KCTD8: variants seen among roughly 807,000 people sequenced by gnomAD.
KCTD8 encodes BTB/POZ domain-containing protein KCTD8.
KCTD8 carries 27 observed loss-of-function variants against 31.5 expected under a neutral mutation model. That is an observed-to-expected ratio of 0.86 (90% CI 0.63 to 1.18). The LOEUF is 1.18. Among genes scored for constraint, KCTD8 ranks in the 50% most tolerant of loss-of-function variants. The pLI, the probability that KCTD8 is intolerant of heterozygous loss-of-function variation, is 0.00. For synonymous variants in KCTD8, 290 were observed against 280.0 expected, an observed-to-expected ratio of 1.04 and a Z score of -0.36; for missense variants, 658 against 647.7, an observed-to-expected ratio of 1.02 and a Z score of -0.17.
chr4:44,194,979 C>A (rs529712510), intron 1 of KCTD8, among the ~76,000 whole-genome samples: 1 of 151,290 alleles, frequency 6.6e-6, no homozygotes, highest in Non-Finnish European at 1.5e-5. Context: ...CCTTAGCCTC[C>A]CAAGTAGCTG....
At chr4:44,382,711 C>A (rs545435199) in intron 1 of KCTD8, among the ~76,000 whole-genome samples, 2 of 145,300 alleles carry the variant, frequency 1.4e-5, no homozygotes, top group South Asian at 4.5e-4. Flanking sequence ...GCCTGGGCAA[C>A]AGGAGTGAAA....
intron 1 of KCTD8, among the ~76,000 whole-genome samples, chr4:44,292,952 C>T (rs1397087863): frequency 6.6e-6 from 1 of 152,002 alleles, no homozygotes; most frequent in Non-Finnish European, 1.5e-5. Context: ...TTTCTACACC[C>T]CCTATTTTGT....
intron 1 of KCTD8, among the ~76,000 whole-genome samples, chr4:44,406,416 GGGGGTGGTTTCCTCCATACTGTTCTCA>G (rs1306479462): frequency 6.6e-6 from 1 of 152,086 alleles, no homozygotes; most frequent in African/African-American, 2.4e-5. Context: ...TTTGATTCAT[GGGGGTGGTTTCCTCCATACTGTTCTCA>G]TGGTAGTGAA....
intron 1 of KCTD8, among the ~76,000 whole-genome samples, chr4:44,400,263 G>T (rs1390678687): frequency 6.6e-6 from 1 of 152,074 alleles, no homozygotes; most frequent in Admixed American, 6.5e-5. Context: ...TTGAATCAGA[G>T]ATAAGATATT....
chr4:44,344,171 TTTAATTAATTAA>T (rs59061396), intron 1 of KCTD8, among the ~76,000 whole-genome samples: 2 of 151,880 alleles, frequency 1.3e-5, no homozygotes, highest in African/African-American at 2.4e-5. Flanking sequence ...TTACAGGTTT[TTTAATTAATTAA>T]TTAATTAATT....
intron 1 of KCTD8, among the ~76,000 whole-genome samples, chr4:44,269,121 T>C (rs901759719): frequency 3.3e-5 from 5 of 151,986 alleles, no homozygotes; most frequent in African/African-American, 7.2e-5. Context: ...GGAGGCATCA[T>C]GCTACCTGAC....
intron 1 of KCTD8, among the ~76,000 whole-genome samples, chr4:44,239,022 C>A (rs1715372834): frequency 6.6e-6 from 1 of 152,158 alleles, no homozygotes. Flanking sequence ...TCAGTTCTAA[C>A]AAATTCTACA....
At chr4:44,306,927 T>C (rs1227673534) in intron 1 of KCTD8, among the ~76,000 whole-genome samples, 1 of 151,978 alleles carries the variant, frequency 6.6e-6, no homozygotes, top group Non-Finnish European at 1.5e-5. Context: ...AGCATCAGAA[T>C]GACAGGGAGT....
intron 1 of KCTD8, among the ~76,000 whole-genome samples, chr4:44,370,506 C>G (rs1033012834): frequency 6.6e-6 from 1 of 152,152 alleles, no homozygotes; most frequent in Non-Finnish European, 1.5e-5. Flanking sequence ...AACAATGCCT[C>G]AAGGATCACA....
chr4:44,258,127 T>G (rs1457866107), intron 1 of KCTD8, among the ~76,000 whole-genome samples: 1 of 152,128 alleles, frequency 6.6e-6, no homozygotes, highest in East Asian at 1.9e-4. Flanking sequence ...CAGATGCTAA[T>G]AGGAAAGACA....
At chr4:44,346,920 T>C (rs903822294) in intron 1 of KCTD8, among the ~76,000 whole-genome samples, 3 of 152,182 alleles carry the variant, frequency 2.0e-5, no homozygotes, top group Admixed American at 2.0e-4. Context: ...TACTAAGACC[T>C]GAGTTGAATA....
chr4:44,374,878 A>G (rs1278118807), intron 1 of KCTD8, among the ~76,000 whole-genome samples: 1 of 152,194 alleles, frequency 6.6e-6, no homozygotes, highest in Admixed American at 6.5e-5. Context: ...AAAAGTTTTA[A>G]ATATTGTGAG....
intron 1 of KCTD8, among the ~76,000 whole-genome samples, chr4:44,411,167 C>G (rs1253610723): frequency 7.2e-5 from 11 of 151,970 alleles, no homozygotes; most frequent in Admixed American, 7.2e-4. Context: ...TAGAGAAACA[C>G]TTGGAAAAGG....
chr4:44,342,585 C>T (rs1049028137), intron 1 of KCTD8, among the ~76,000 whole-genome samples: 6 of 152,094 alleles, frequency 3.9e-5, no homozygotes, highest in Non-Finnish European at 7.4e-5. Context: ...TCTTCAGTTG[C>T]ATTAGATACT....
intron 1 of KCTD8, among the ~76,000 whole-genome samples, chr4:44,402,292 C>T (rs1720685470): frequency 6.6e-6 from 1 of 152,138 alleles, no homozygotes; most frequent in South Asian, 2.1e-4. Flanking sequence ...TCAGCACAGA[C>T]ATTTGCTAAA....
chr4:44,415,558 G>A (rs1041620212), intron 1 of KCTD8, among the ~76,000 whole-genome samples: 4 of 152,186 alleles, frequency 2.6e-5, no homozygotes, highest in African/African-American at 9.6e-5. Flanking sequence ...TCCAGGCCCA[G>A]AGTGCCACTT....
chr4:44,392,755 A>C (rs750977942), intron 1 of KCTD8, among the ~76,000 whole-genome samples: 3 of 152,074 alleles, frequency 2.0e-5, no homozygotes, highest in Non-Finnish European at 4.4e-5. Context: ...TAAGGAGAAG[A>C]GTAAAAATGA....
At chr4:44,363,112 C>T (rs1719543096) in intron 1 of KCTD8, among the ~76,000 whole-genome samples, 1 of 152,040 alleles carries the variant, frequency 6.6e-6, no homozygotes, top group Non-Finnish European at 1.5e-5. Flanking sequence ...AGGAATTAAA[C>T]ATAAATTTTG....
intron 1 of KCTD8, among the ~76,000 whole-genome samples, chr4:44,207,665 A>G (rs1418650896): frequency 6.6e-6 from 1 of 152,218 alleles, no homozygotes; most frequent in Admixed American, 6.5e-5. Flanking sequence ...GTAAAGTTAA[A>G]TGTATTTAAA....
Sources: gnomAD v4.1 joint callset for allele counts (sites outside exome capture counted in the v4.1 genomes callset) on GRCh38, gnomAD v4.1.1 for gene constraint, MANE v1.5 for transcripts, NCBI Gene and HGNC (gene_info 2026-07-23, HGNC 2026-07-21) for gene names.